Variants in RAP1A observed in about 807,000 individuals in gnomAD.
RAP1A encodes the protein RAP1A, member of RAS oncogene family.
RAP1A carries 6 observed loss-of-function variants against 26.4 expected under a neutral mutation model. The observed-to-expected ratio is 0.23, with a 90% confidence interval of 0.12 to 0.45. The LOEUF (loss-of-function observed/expected upper bound fraction) is 0.45, where lower values mean the gene tolerates loss of function less well. RAP1A is among the 20% of genes least tolerant of loss of function. The probability of loss-of-function intolerance (pLI) is 0.99; values close to 1 mark genes in which losing one functional copy is unlikely to be tolerated. For missense variants in RAP1A, 121 were observed against 217.2 expected (o/e 0.56, Z 2.78); for synonymous variants, 73 against 79.4 (o/e 0.92, Z 0.43).
intron 1 of RAP1A, among the ~76,000 whole-genome samples, chr1:111,684,928 A>G (rs1156639052): frequency 6.6e-6 from 1 of 152,214 alleles, no homozygotes; most frequent in Non-Finnish European, 1.5e-5. Context: ...CTGGTACCAA[A>G]ACAGATACAT....
chr1:111,705,063 A>G (rs905033337), intron 6 of RAP1A, among the ~76,000 whole-genome samples: 5 of 152,208 alleles, frequency 3.3e-5, no homozygotes, highest in Non-Finnish European at 5.9e-5. Context: ...TCTTGAAAAC[A>G]GCTGTGGACA....
chr1:111,713,945 C>G lies in RAP1A; in HGVS notation c.*1544C>G, dbSNP rs1662460028. The G allele has an allele frequency of 6.6e-6, 1 of 152,186 alleles. No individual in the cohort carries two copies. Among genetic ancestry groups the G allele is most frequent in the African/African-American group, 2.4e-5 (1 of 41,440 alleles). 9.4% of individuals were successfully genotyped at this position (152,186 alleles called of 1,614,324 possible). A position where few individuals can be genotyped will look rare whatever the true frequency, so the allele number is the denominator to read the frequency against. The stretch of plus-strand genomic sequence containing the variant: ...CAGACCAGTCCTAGAAAGTCTAAGT[C>G]ATTGCTCAGGGATCTCTAGATACTG... On this transcript the variant is annotated 3_prime_UTR_variant, in exon 8 of 8. Coordinates refer to ENST00000369709, the MANE Select transcript of RAP1A (RefSeq NM_002884.4).
At chr1:111,695,298 T>G in intron 2 of RAP1A, 43 bp from the exon 3 acceptor site, 3 of 1,422,702 alleles carry the variant, frequency 2.1e-6, no homozygotes, top group South Asian at 1.3e-5. Flanking sequence ...TTCAAAGGAG[T>G]TTTCCTTTAA....
At chr1:111,596,363 C>G (rs1658563648) in intron 1 of RAP1A, among the ~76,000 whole-genome samples, 1 of 152,178 alleles carries the variant, frequency 6.6e-6, no homozygotes, top group African/African-American at 2.4e-5. Flanking sequence ...CCAGTTTTTC[C>G]TAGGCCAATC....
chr1:111,669,155 A>G (rs569504), intron 1 of RAP1A, among the ~76,000 whole-genome samples: 53,883 of 151,986 alleles, frequency 0.35, 9,582 homozygotes, highest in Admixed American at 0.37. Context: ...AGTTAACCAA[A>G]ATAAAGAGAC....
chr1:111,704,051 C>T (rs1424321608), intron 5 of RAP1A, among the ~76,000 whole-genome samples: 1 of 152,086 alleles, frequency 6.6e-6, no homozygotes, highest in Non-Finnish European at 1.5e-5. Context: ...AGTCCTCCTA[C>T]CTCAGCCTCC....
intron 1 of RAP1A, among the ~76,000 whole-genome samples, chr1:111,555,959 T>C (rs2101041404): frequency 6.6e-6 from 1 of 152,276 alleles, no homozygotes; most frequent in East Asian, 1.9e-4. Flanking sequence ...AAGGACACTA[T>C]TGATGGATTG....
chr1:111,552,230 T>G (rs1022762996), intron 1 of RAP1A, among the ~76,000 whole-genome samples: 5 of 152,200 alleles, frequency 3.3e-5, no homozygotes, highest in African/African-American at 1.2e-4. Flanking sequence ...AGGACAAATA[T>G]TTCCAAATGA....
rs368999683 is a variant in RAP1A, at chr1:111,563,660, C to T, written c.-28+21151C>T. Reference sequence around the variant, plus strand: ...CTTTCCAGTTCACAGAGCATTTTCACGTATATTATGTCACATCATCTTCAC... The same window carrying T: ...CTTTCCAGTTCACAGAGCATTTTCATGTATATTATGTCACATCATCTTCAC... On this transcript the variant is annotated intron_variant, in intron 1 of 7. Coordinates refer to the RAP1A transcript ENST00000356415. Among the ~76,000 whole-genome samples the T allele has an allele frequency of 3.3e-5, 5 of 152,102 alleles. No homozygotes were observed. In the South Asian group the frequency reaches 6.2e-4, roughly 19 times the overall value.
intron 1 of RAP1A, among the ~76,000 whole-genome samples, chr1:111,651,149 T>A (rs1660256400): frequency 6.6e-6 from 1 of 152,204 alleles, no homozygotes. Flanking sequence ...AAAAGTCTTC[T>A]GTGTTCCTGT....
chr1:111,579,727 G>A (rs891926870), intron 1 of RAP1A, among the ~76,000 whole-genome samples: 8 of 152,102 alleles, frequency 5.3e-5, no homozygotes, highest in East Asian at 1.9e-4. Context: ...ACGTATGTTA[G>A]TTTACCTTGA....
chr1:111,601,876 T>C (rs572045943), intron 1 of RAP1A, among the ~76,000 whole-genome samples: 6 of 152,206 alleles, frequency 3.9e-5, no homozygotes, highest in South Asian at 2.1e-4. Context: ...AATATGGCTA[T>C]TATTATTTTT....
chr1:111,575,610 T>C (rs989977527), intron 1 of RAP1A, among the ~76,000 whole-genome samples: 24 of 152,114 alleles, frequency 1.6e-4, no homozygotes, highest in African/African-American at 4.8e-4. Context: ...AGTGTCCTTA[T>C]AGGAATTGGA....
At chr1:111,564,764 G>A (rs971156996) in intron 1 of RAP1A, among the ~76,000 whole-genome samples, 10 of 150,816 alleles carry the variant, frequency 6.6e-5, no homozygotes, top group African/African-American at 2.2e-4. Context: ...CATCCGCCTC[G>A]GCCTCCCAAA....
At position 111,714,349 on chromosome 1, in the gene RAP1A, C is replaced by T. The variant is rs1662472115; in HGVS notation, c.*1948C>T. On this transcript the variant is annotated 3_prime_UTR_variant, in exon 8 of 8. Transcript: ENST00000369709. ...TGCTTTAAAACACCCCTCAAACATA[C>T]CTTTAAACTTAAGATCATAGACAGA... The T allele has an allele frequency of 6.6e-6, 1 of 152,118 alleles. No individual in the cohort carries two copies. Among genetic ancestry groups the T allele is most frequent in the Non-Finnish European group, 1.5e-5 (1 of 68,030 alleles). 9.4% of individuals were successfully genotyped at this position (152,118 alleles called of 1,614,324 possible). A position where few individuals can be genotyped will look rare whatever the true frequency, so the allele number is the denominator to read the frequency against.
intron 1 of RAP1A, among the ~76,000 whole-genome samples, chr1:111,550,331 TTCAC>T (rs1657210041): frequency 6.6e-6 from 1 of 152,284 alleles, no homozygotes; most frequent in Non-Finnish European, 1.5e-5. Flanking sequence ...TTCATTTACT[TTCAC>T]TCTAATCTTT....
At chr1:111,646,825 C>T (rs1660086489) in intron 1 of RAP1A, among the ~76,000 whole-genome samples, 1 of 152,234 alleles carries the variant, frequency 6.6e-6, no homozygotes, top group Admixed American at 6.5e-5. Context: ...AGGCGTGAGC[C>T]ACCGCGCACA....
intron 1 of RAP1A, among the ~76,000 whole-genome samples, chr1:111,644,807 CTTTGAAAT>C (rs948088558): frequency 2.0e-5 from 3 of 152,040 alleles, no homozygotes; most frequent in African/African-American, 7.3e-5. Context: ...TCATAGATCT[CTTTGAAAT>C]TTTGAAATTT....
chr1:111,627,209 T>G (rs1432233346), intron 1 of RAP1A, among the ~76,000 whole-genome samples: 2 of 152,202 alleles, frequency 1.3e-5, no homozygotes, highest in Non-Finnish European at 2.9e-5. Context: ...AAAAAATTAC[T>G]ACTGATACTT....
Sources: allele counts gnomAD v4.1 joint callset (sites outside exome capture counted in the v4.1 genomes callset), GRCh38; gene constraint gnomAD v4.1.1; transcripts MANE v1.5; gene names NCBI Gene and HGNC (gene_info 2026-07-23, HGNC 2026-07-21).